TRIQK: variants seen among roughly 807,000 people sequenced by gnomAD.
TRIQK encodes the protein triple QxxK/R motif-containing protein.
A neutral mutation model predicts 10.8 loss-of-function variants in TRIQK; 10 were observed. That is an observed-to-expected ratio of 0.92 (90% CI 0.57 to 1.57). TRIQK has a LOEUF of 1.57. TRIQK is among the 40% of genes most tolerant of loss of function. The pLI is 0.00. For missense variants in TRIQK, 107 were observed against 97.7 expected (o/e 1.09, Z -0.40); for synonymous variants, 33 against 33.7 (o/e 0.98, Z 0.07).
Position 92,938,432 on chromosome 8 carries a change from C to T in TRIQK, c.-22+15974G>A, listed in dbSNP as rs147535912. On this transcript the variant is annotated intron_variant, in intron 2 of 4. Coordinates refer to ENST00000521988, the MANE Select transcript of TRIQK (RefSeq NM_001171797.2). Reference sequence around the variant, plus strand: ...TACTTGCTACTTTTAATGATTTTTGCATTATTGTTTTCACCAATTTAATTT... The same window carrying T: ...TACTTGCTACTTTTAATGATTTTTGTATTATTGTTTTCACCAATTTAATTT... 5.0e-4 allele frequency among the ~76,000 whole-genome samples: 76 copies of T among 152,074 alleles called. 3 individuals are homozygous for T. The East Asian group carries it at 0.01, about 20-fold the overall frequency.
At chr8:92,971,407 G>A (rs1288159965) in intron 1 of TRIQK, among the ~76,000 whole-genome samples, 1 of 152,086 alleles carries the variant, frequency 6.6e-6, no homozygotes, top group Admixed American at 6.6e-5. Context: ...CATTGTCTCA[G>A]CCCAAAAGCT....
chr8:92,977,673 G>A (rs1189825571), intron 1 of TRIQK, among the ~76,000 whole-genome samples: 2 of 151,850 alleles, frequency 1.3e-5, no homozygotes, highest in African/African-American at 2.4e-5. Flanking sequence ...TTCATTATGT[G>A]GAGCATATTT....
At chr8:92,969,052 T>C (rs999504487), upstream of TRIQK, among the ~76,000 whole-genome samples, 1 of 152,176 alleles carries the variant, frequency 6.6e-6, no homozygotes, top group East Asian at 1.9e-4. Flanking sequence ...ATTTATTAAA[T>C]AGGGAATCCT....
At chr8:92,985,246 G>A (rs139585387) in intron 1 of TRIQK, among the ~76,000 whole-genome samples, 4 of 152,152 alleles carry the variant, frequency 2.6e-5, no homozygotes, top group East Asian at 1.9e-4. Flanking sequence ...GTGTGCACGC[G>A]CACGCATGCA....
chr8:92,915,488 C>CT (rs759774758), intron 3 of TRIQK, among the ~76,000 whole-genome samples: 4,014 of 143,582 alleles, frequency 0.028, 95 homozygotes, highest in South Asian at 0.08. Flanking sequence ...TATAAACATT[C>CT]TTTTTTTTTT....
At chr8:92,993,356 T>C (rs1813117171) in intron 1 of TRIQK, among the ~76,000 whole-genome samples, 1 of 152,234 alleles carries the variant, frequency 6.6e-6, no homozygotes, top group Non-Finnish European at 1.5e-5. Context: ...GCTTTCCTCT[T>C]TCATTTCTTC....
chr8:92,985,946 T>C (rs1813027096), intron 1 of TRIQK, among the ~76,000 whole-genome samples: 1 of 152,190 alleles, frequency 6.6e-6, no homozygotes, highest in Admixed American at 6.5e-5. Flanking sequence ...CTTAATAATT[T>C]ACAACGACTA....
intron 1 of TRIQK, among the ~76,000 whole-genome samples, chr8:92,983,851 A>G (rs1323785937): frequency 6.6e-6 from 1 of 152,062 alleles, no homozygotes; most frequent in African/African-American, 2.4e-5. Flanking sequence ...GGTCTTCAAA[A>G]TAAACATACA....
chr8:92,996,184 T>G (rs563264458), intron 1 of TRIQK, among the ~76,000 whole-genome samples: 1 of 152,210 alleles, frequency 6.6e-6, no homozygotes, highest in South Asian at 2.1e-4. Context: ...CTCTTTTTTG[T>G]GGTCTGCAAG....
chr8:92,952,799 A>G (rs1189007317), intron 2 of TRIQK, among the ~76,000 whole-genome samples: 3 of 152,058 alleles, frequency 2.0e-5, no homozygotes, highest in Non-Finnish European at 4.4e-5. Flanking sequence ...TGCACTTCAT[A>G]GTTCCCCATT....
At position 92,886,659 on chromosome 8, in the gene TRIQK, G is replaced by A. The variant is rs1438921750; in HGVS notation, c.224C>T (p.Thr75Met). Residue 75 changes from threonine to methionine, a missense_variant, in exon 5 of 5, where the codon ACG becomes ATG. Thr to Met is a moderately conservative substitution (Grantham distance 81, BLOSUM62 -1). Coordinates refer to ENST00000521988, the MANE Select transcript of TRIQK (RefSeq NM_001171797.2). ...TTGGTCCAGATCAGGGTCAACATCC[G>A]TGGTGAGTCTGAGATAAAAGAAAGC... ...FYAFFYLRLT[T>M]DVDPDLDQDE... 2.2e-5 allele frequency: 34 copies of A among 1,530,868 alleles called. No individual in the cohort carries two copies. Among genetic ancestry groups the A allele is most frequent in the East Asian group, 4.9e-5 (2 of 40,710 alleles). 94.8% of individuals were successfully genotyped at this position (1,530,868 alleles called of 1,614,324 possible).
At chr8:92,977,987 T>C (rs998950001) in intron 1 of TRIQK, among the ~76,000 whole-genome samples, 1 of 152,166 alleles carries the variant, frequency 6.6e-6, no homozygotes, top group African/African-American at 2.4e-5. Context: ...GACCATGTGT[T>C]GGTCTTATGG....
intron 1 of TRIQK, among the ~76,000 whole-genome samples, chr8:92,955,946 C>A (rs1419112132): frequency 6.6e-6 from 1 of 151,692 alleles, no homozygotes; most frequent in Non-Finnish European, 1.5e-5. Flanking sequence ...AAATTGGAAT[C>A]TTCATACATT....
chr8:92,957,936 A>T (rs1442142333), intron 1 of TRIQK, among the ~76,000 whole-genome samples: 1 of 151,942 alleles, frequency 6.6e-6, no homozygotes, highest in African/African-American at 2.4e-5. Context: ...CTTTTATTCC[A>T]TGAAAGTATA....
At position 92,959,480 on chromosome 8, in the gene TRIQK, T is replaced by TACAC. The variant is rs34816958; in HGVS notation, c.-180-4920_-180-4917dup. Among the ~76,000 whole-genome samples the TACAC allele has an allele frequency of 8.1e-3, 1,164 of 143,712 alleles. 5 individuals carry two copies. The highest frequency in any genetic ancestry group is 0.011 in the Admixed American group (152 of 14,060). 94.3% of individuals were successfully genotyped at this position (143,712 alleles called of 152,430 possible). A position where few individuals can be genotyped will look rare whatever the true frequency, so the allele number is the denominator to read the frequency against. Reference sequence around the variant, plus strand: ...GTATACCATCAGTTATATATATGCATACACACACACACACACACACACACA... The same window carrying TACAC: ...GTATACCATCAGTTATATATATGCATACACACACACACACACACACACACACACA... On this transcript the variant is annotated intron_variant, in intron 1 of 4. Transcript: ENST00000521988.
At chr8:92,918,979 A>G (rs1810023182) in intron 2 of TRIQK, among the ~76,000 whole-genome samples, 1 of 151,810 alleles carries the variant, frequency 6.6e-6, no homozygotes, top group Non-Finnish European at 1.5e-5. Context: ...TAAAGAGACA[A>G]TCGTTTCCCA....
chr8:92,978,281 A>G (rs1812952434), intron 1 of TRIQK, among the ~76,000 whole-genome samples: 1 of 152,054 alleles, frequency 6.6e-6, no homozygotes, highest in Non-Finnish European at 1.5e-5. Context: ...GGCTCTAATC[A>G]CAGGCATTCA....
chr8:92,921,279 T>C (rs563075961), intron 2 of TRIQK: 15 of 151,690 alleles, frequency 9.9e-5, no homozygotes, highest in South Asian at 4.1e-4. Context: ...GTTCTCTCTA[T>C]TGGGGAGACA....
chr8:92,973,082 A>G (rs1812891997), intron 1 of TRIQK: 1 of 152,162 alleles, frequency 6.6e-6, no homozygotes, highest in African/African-American at 2.4e-5. Context: ...GCGAGACTCA[A>G]AGCAAATGTG....
Sources: allele counts gnomAD v4.1 joint callset (sites outside exome capture counted in the v4.1 genomes callset), GRCh38; gene constraint gnomAD v4.1.1; transcripts MANE v1.5; gene names NCBI Gene and HGNC (gene_info 2026-07-23, HGNC 2026-07-21).